Variants in TNFSF4 observed in about 807,000 individuals in gnomAD.
TNFSF4 encodes the protein TNF superfamily member 4.
In TNFSF4, 4 loss-of-function variants were observed where a neutral mutation model predicts 7.3. That is an observed-to-expected ratio of 0.55 (90% CI 0.27 to 1.25). TNFSF4 has a LOEUF of 1.25. Ranked by LOEUF, TNFSF4 falls within the 50% of genes most tolerant of loss-of-function variation. The pLI, the probability that TNFSF4 is intolerant of heterozygous loss-of-function variation, is 0.12. For missense variants in TNFSF4, 181 were observed against 208.8 expected, an observed-to-expected ratio of 0.87 and a Z score of 0.82; for synonymous variants, 76 against 83.7, an observed-to-expected ratio of 0.91 and a Z score of 0.50.
the TNFSF4 span, among the ~76,000 whole-genome samples, chr1:173,375,356 G>C: frequency 6.6e-6 from 1 of 152,176 alleles, no homozygotes; most frequent in East Asian, 1.9e-4. Context: ...TATCCAGCAG[G>C]AAGTAGCTAG....
chr1:173,330,762 T>C, the TNFSF4 span, among the ~76,000 whole-genome samples: 2 of 152,224 alleles, frequency 1.3e-5, no homozygotes, highest in Admixed American at 1.3e-4. Context: ...AGAAAAAATG[T>C]ATTTTAATCT....
At chr1:173,437,244 T>G in the TNFSF4 span, among the ~76,000 whole-genome samples, 1 of 152,248 alleles carries the variant, frequency 6.6e-6, no homozygotes, top group African/African-American at 2.4e-5. Context: ...AATAAAATTG[T>G]AAGCATAATA....
the TNFSF4 span, among the ~76,000 whole-genome samples, chr1:173,424,948 G>A: frequency 6.6e-6 from 1 of 152,178 alleles, no homozygotes; most frequent in Non-Finnish European, 1.5e-5. Flanking sequence ...CCTTCAATCA[G>A]AGATTCTTTA....
Position 173,186,760 on chromosome 1 carries a change from A to T in TNFSF4, c.308T>A (p.Ile103Asn). 1.2e-6 allele frequency: 2 copies of T among 1,614,146 alleles called. No individual in the cohort carries two copies. Among genetic ancestry groups the T allele is most frequent in the Non-Finnish European group, 1.7e-6 (2 of 1,180,016 alleles). The change falls in exon 3 of 3, where the codon ATC (isoleucine) becomes AAC (asparagine). Residue 103 changes from isoleucine to asparagine, a missense_variant. Physicochemically the swap from Ile to Asn is moderately radical, Grantham distance 149. Coordinates refer to ENST00000281834, the MANE Select transcript of TNFSF4 (RefSeq NM_003326.5). ...VIINCDGFYLISLKGYFSQEV... is the reference protein window; with the variant it reads ...VIINCDGFYLNSLKGYFSQEV... ...CTGGGAGAAGTAGCCCTTCAGGGAGATGAGATAAAACCCATCACAGTTGAT... is the reference window on the plus strand; with the variant it reads ...CTGGGAGAAGTAGCCCTTCAGGGAGTTGAGATAAAACCCATCACAGTTGAT...
At chr1:173,187,391 C>T (rs1054164662) in intron 2 of TNFSF4, among the ~76,000 whole-genome samples, 1 of 152,240 alleles carries the variant, frequency 6.6e-6, no homozygotes, top group Non-Finnish European at 1.5e-5. Flanking sequence ...TACTCTGAAG[C>T]TTGACTTAAA....
At chr1:173,282,572 C>A in the TNFSF4 span, among the ~76,000 whole-genome samples, 1 of 151,946 alleles carries the variant, frequency 6.6e-6, no homozygotes, top group Non-Finnish European at 1.5e-5. Flanking sequence ...GATTCTCCTG[C>A]CTTAGCCTCC....
chr1:173,446,981 A>G, the TNFSF4 span, among the ~76,000 whole-genome samples: 1 of 152,262 alleles, frequency 6.6e-6, no homozygotes, highest in East Asian at 1.9e-4. Flanking sequence ...CATCTATCCT[A>G]TTAGTTCTGT....
At chr1:173,229,569 T>G in the TNFSF4 span, among the ~76,000 whole-genome samples, 5 of 152,088 alleles carry the variant, frequency 3.3e-5, no homozygotes, top group South Asian at 4.2e-4. Flanking sequence ...CAGGATCAAA[T>G]CCACACATAA....
chr1:173,253,929 C>T, the TNFSF4 span, among the ~76,000 whole-genome samples: 1 of 152,140 alleles, frequency 6.6e-6, no homozygotes, highest in Non-Finnish European at 1.5e-5. Flanking sequence ...TTCTGAAAGA[C>T]ATTCCAGGAC....
chr1:173,272,051 C>G, the TNFSF4 span, among the ~76,000 whole-genome samples: 2 of 152,120 alleles, frequency 1.3e-5, no homozygotes, highest in African/African-American at 2.4e-5. Flanking sequence ...TTTGTAGGAG[C>G]ACAGATGAAG....
chr1:173,245,548 G>GTATT, the TNFSF4 span, among the ~76,000 whole-genome samples: 2 of 152,088 alleles, frequency 1.3e-5, no homozygotes, highest in Non-Finnish European at 2.9e-5. Flanking sequence ...ATTACTCAGG[G>GTATT]TATTTAGCTT....
At chr1:173,257,635 G>A in the TNFSF4 span, among the ~76,000 whole-genome samples, 8 of 152,222 alleles carry the variant, frequency 5.3e-5, no homozygotes, top group East Asian at 5.8e-4. Flanking sequence ...AATTAGAACC[G>A]GCCAAAGGGA....
the TNFSF4 span, among the ~76,000 whole-genome samples, chr1:173,397,952 G>A: frequency 6.6e-6 from 1 of 152,100 alleles, no homozygotes; most frequent in Non-Finnish European, 1.5e-5. Context: ...TTAACTAGGT[G>A]GTGACTCCAA....
chr1:173,446,083 A>G, the TNFSF4 span, among the ~76,000 whole-genome samples: 1 of 152,310 alleles, frequency 6.6e-6, no homozygotes, highest in Admixed American at 6.5e-5. Context: ...AGAACCAATA[A>G]AAGTTTACTA....
At chr1:173,434,317 T>G in the TNFSF4 span, among the ~76,000 whole-genome samples, 1 of 152,256 alleles carries the variant, frequency 6.6e-6, no homozygotes, top group Non-Finnish European at 1.5e-5. Context: ...GGTGCTTTTT[T>G]GTCCCTATTG....
chr1:173,448,974 A>C, the TNFSF4 span, among the ~76,000 whole-genome samples: 1 of 152,240 alleles, frequency 6.6e-6, no homozygotes, highest in African/African-American at 2.4e-5. Context: ...GTGTGTCTCC[A>C]CCAAAATCTC....
At chr1:173,305,752 G>T in the TNFSF4 span, among the ~76,000 whole-genome samples, 1 of 151,526 alleles carries the variant, frequency 6.6e-6, no homozygotes, top group African/African-American at 2.4e-5. Flanking sequence ...GAGGCCTCAG[G>T]AAACTTACAA....
At chr1:173,303,599 C>T in the TNFSF4 span, among the ~76,000 whole-genome samples, 2 of 151,862 alleles carry the variant, frequency 1.3e-5, no homozygotes, top group African/African-American at 2.4e-5. Flanking sequence ...TAAAATGGAA[C>T]TATCTTTTTA....
the TNFSF4 span, among the ~76,000 whole-genome samples, chr1:173,370,791 T>C: frequency 1.4e-5 from 2 of 147,574 alleles, no homozygotes; most frequent in African/African-American, 2.5e-5. Flanking sequence ...AGAAAGGCCC[T>C]TAGTCATGGC....
Sources: allele counts gnomAD v4.1 joint callset (sites outside exome capture counted in the v4.1 genomes callset), GRCh38; gene constraint gnomAD v4.1.1; transcripts MANE v1.5; gene names NCBI Gene and HGNC (gene_info 2026-07-23, HGNC 2026-07-21).